Variants in NAXD observed in about 807,000 individuals in gnomAD.
NAXD encodes the protein NAD(P)HX dehydratase, also known as ATP-dependent (S)-NAD(P)H-hydrate dehydratase.
In NAXD, 22 loss-of-function variants were observed where a neutral mutation model predicts 35.8. That is an observed-to-expected ratio of 0.62 (90% confidence interval 0.44 to 0.88). The LOEUF (loss-of-function observed/expected upper bound fraction) is 0.88, where lower values mean the gene tolerates loss of function less well. Among genes scored for constraint, NAXD ranks in the 40% least tolerant of loss-of-function variants. The probability of loss-of-function intolerance (pLI) is 0.00; values close to 1 mark genes in which losing one functional copy is unlikely to be tolerated. For missense variants in NAXD, 428 were observed against 437.7 expected (o/e 0.98, Z 0.20); for synonymous variants, 189 against 177.6 (o/e 1.06, Z -0.51).
chr13:110,622,379 TG>T lies in NAXD; in HGVS notation c.197+14del. The T allele has an allele frequency of 6.2e-7, 1 of 1,613,314 alleles. No individual in the cohort carries two copies. The highest frequency in any genetic ancestry group is 2.2e-5 in the East Asian group (1 of 44,866). ...GAGGCTGTCAGGAGTAAGTAGCTGA[TG>T]TGCAGTGTTGGTGTTTAAAAAGTCA... On this transcript the variant is annotated intron_variant, in intron 2 of 9. Transcript: ENST00000680254.
chr13:110,626,191 G>A (rs1886475144), intron 4 of NAXD, among the ~76,000 whole-genome samples: 1 of 152,152 alleles, frequency 6.6e-6, no homozygotes, highest in Non-Finnish European at 1.5e-5. Flanking sequence ...CGGCTGTGGG[G>A]CTGGGCCGGA....
chr13:110,634,398 A>G, intron 5 of NAXD, 147 bp from the exon 6 acceptor site: 1 of 785,858 alleles, frequency 1.3e-6, no homozygotes. Context: ...AAACCAACCC[A>G]TGAGGACACT....
At chr13:110,631,800 C>T (rs1362223363) in intron 5 of NAXD, among the ~76,000 whole-genome samples, 1 of 152,142 alleles carries the variant, frequency 6.6e-6, no homozygotes, top group Non-Finnish European at 1.5e-5. Flanking sequence ...ACCTGCCTCC[C>T]TGGAAGGGGC....
intron 1 of NAXD, among the ~76,000 whole-genome samples, chr13:110,618,268 G>T: frequency 7.1e-6 from 1 of 140,020 alleles, no homozygotes; most frequent in South Asian, 2.2e-4. Context: ...GTTTCTGGAT[G>T]GCGCTTCTTG....
At position 110,638,090 on chromosome 13, in the gene NAXD, CCGCCTGGCTTTCCCCGGGAA is replaced by C; in HGVS notation, c.840-286_840-267del. 1 of 768,246 alleles carries C rather than the reference CCGCCTGGCTTTCCCCGGGAA, an allele frequency of 1.3e-6. No homozygotes were observed. The highest frequency in any genetic ancestry group is 2.2e-6 in the Non-Finnish European group (1 of 463,096). The allele number at this position is 768,246 out of a possible 1,614,324, so 47.6% of individuals were successfully genotyped here. A position where few individuals can be genotyped will look rare whatever the true frequency, so the allele number is the denominator to read the frequency against. ...GTCAAACAGGGCTAAGCAGCTTGTGCCGCCTGGCTTTCCCCGGGAACACCTGGCCCACTGTGTGCCCTAGC... is the reference window on the plus strand; with the variant it reads ...GTCAAACAGGGCTAAGCAGCTTGTGCCACCTGGCCCACTGTGTGCCCTAGC... On this transcript the variant is annotated intron_variant, in intron 9 of 9. Transcript: ENST00000680254. This position sits in a 1 kb window ranked among gnomAD's most constrained non-coding sequence, Gnocchi z 5.4.
At chr13:110,635,349 G>T in intron 7 of NAXD, 119 bp from the exon 8 acceptor site, 1 of 1,218,142 alleles carries the variant, frequency 8.2e-7, no homozygotes, top group Non-Finnish European at 1.2e-6. Flanking sequence ...TTTAACAGGT[G>T]CCTGGGTGAT....
At chr13:110,617,714 A>T (rs1886112172) in intron 1 of NAXD, among the ~76,000 whole-genome samples, 1 of 152,276 alleles carries the variant, frequency 6.6e-6, no homozygotes, top group Non-Finnish European at 1.5e-5. Flanking sequence ...CAAAAATAAA[A>T]ACAAAAACAT....
intron 2 of NAXD, among the ~76,000 whole-genome samples, chr13:110,623,651 G>T (rs1886348290): frequency 6.6e-6 from 1 of 152,258 alleles, no homozygotes; most frequent in African/African-American, 2.4e-5. Context: ...CAGGGAGACT[G>T]CAGGCATTAC....
intron 5 of NAXD, among the ~76,000 whole-genome samples, chr13:110,629,576 A>G (rs1886629011): frequency 6.6e-6 from 1 of 152,106 alleles, no homozygotes; most frequent in African/African-American, 2.4e-5. Flanking sequence ...AACGTGTGCT[A>G]TTTAGTGATT....
rs1266072991 is a variant in NAXD, at chr13:110,624,256, G to T, written c.220G>T (p.Ala74Ser). The change falls in exon 3 of 10, where the codon GCA becomes TCA. Residue 74 changes from alanine (A) to serine (S), a missense_variant. This residue lies in a region of NAXD where 208 missense variants were observed against 193.0 expected (regional missense o/e 1.08). Coordinates refer to ENST00000680254, the MANE Select transcript of NAXD (RefSeq NM_001242882.2). ...TAGGTACACTGGAGCCCCATATTTTGCAGCAATCTCAGCTCTCAAAGTGGT... is the reference window on the plus strand; with the variant it reads ...TAGGTACACTGGAGCCCCATATTTTTCAGCAATCTCAGCTCTCAAAGTGGT... Reference protein sequence around the residue: ...CQEYTGAPYFAAISALKVGAD... With the variant: ...CQEYTGAPYFSAISALKVGAD... 6.2e-7 allele frequency: 1 copy of T among 1,609,232 alleles called. No homozygotes were observed. The highest frequency in any genetic ancestry group is 8.5e-7 in the Non-Finnish European group (1 of 1,176,554).
At chr13:110,633,888 A>G (rs1402975465) in intron 5 of NAXD, among the ~76,000 whole-genome samples, 1 of 152,172 alleles carries the variant, frequency 6.6e-6, no homozygotes, top group Admixed American at 6.5e-5. Flanking sequence ...CATAATGACT[A>G]ATGATTTGGG....
chr13:110,634,785 G>A lies in NAXD; in HGVS notation c.597+9G>A. On this transcript the variant is annotated intron_variant, in intron 7 of 9. Transcript: ENST00000680254. ...GACTGTATGACGCTGTGGTGAGTCA[G>A]TGGACCCCCTGGAGGGTAGATGCAA... 1.2e-6 allele frequency: 2 copies of A among 1,604,596 alleles called. No individual in the cohort carries two copies. Among genetic ancestry groups the A allele is most frequent in the East Asian group, 2.2e-5 (1 of 44,808 alleles).
chr13:110,620,042 A>G (rs1594167733), intron 1 of NAXD, among the ~76,000 whole-genome samples: 1 of 151,748 alleles, frequency 6.6e-6, no homozygotes. Flanking sequence ...CAAGTGATCC[A>G]CCCACCTTGG....
rs1887009826 is a variant in NAXD, at chr13:110,638,218, G to A, written c.840-160G>A. ...TGGAGGGTTAATGGTGGTTTTCGCT[G>A]TGATAAACCTGCTTTCTCCTCAGGG... On this transcript the variant is annotated intron_variant, in intron 9 of 9. Transcript: ENST00000680254. The surrounding 1 kb of genome is among the most constrained non-coding windows in gnomAD (Gnocchi z 5.4). 3 of 1,534,824 alleles carry A rather than the reference G, an allele frequency of 2.0e-6. No individual in the cohort carries two copies. The highest frequency in any genetic ancestry group is 2.6e-6 in the Non-Finnish European group (3 of 1,141,880).
At chr13:110,615,867 C>T (rs1275303573) in intron 1 of NAXD, 8 of 1,117,500 alleles carry the variant, frequency 7.2e-6, no homozygotes, top group African/African-American at 4.9e-5. Flanking sequence ...GTGTGGCCTG[C>T]GGGGCGGAGT....
At position 110,638,574 on chromosome 13, in the gene NAXD, C is replaced by CGT. The variant is rs757949523; in HGVS notation, c.*54_*55dup. 10 of 1,605,492 alleles carry CGT rather than the reference C, an allele frequency of 6.2e-6. No individual in the cohort carries two copies. The African/African-American group carries it at 1.2e-4, about 19-fold the overall frequency. ...AACAGGCACCTTGGACGGGGGAGAG[C>CGT]GTGTGTGTGATGGGAAAATCCGGAC... is the stretch of plus-strand genomic sequence containing the variant. On this transcript the variant is annotated 3_prime_UTR_variant, in exon 10 of 10. Transcript: ENST00000680254. This position sits in a 1 kb window ranked among gnomAD's most constrained non-coding sequence, Gnocchi z 5.4.
At position 110,637,122 on chromosome 13, in the gene NAXD, T is replaced by A. The variant is rs762659161; in HGVS notation, c.719-7T>A. On this transcript the variant is annotated splice_polypyrimidine_tract_variant and splice_region_variant and intron_variant, in intron 8 of 9. Transcript: ENST00000680254. Reference sequence around the variant, plus strand: ...CTGACACCTGCTCTCACTTCTGCCCTGTGCAGTGCTTGTGTGCAGCCAGGA... The same window carrying A: ...CTGACACCTGCTCTCACTTCTGCCCAGTGCAGTGCTTGTGTGCAGCCAGGA... 6 of 1,610,526 alleles carry A rather than the reference T, an allele frequency of 3.7e-6. No homozygotes were observed. The Admixed American group carries it at 1.0e-4, about 27-fold the overall frequency.
In NAXD at chr13:110,634,581, G is replaced by T. The variant is rs766751343; in HGVS notation, c.478G>T (p.Val160Phe). 10 of 1,614,250 alleles carry T rather than the reference G, an allele frequency of 6.2e-6. No homozygotes were observed. Among genetic ancestry groups the T allele is most frequent in the Non-Finnish European group, 7.6e-6 (9 of 1,180,046 alleles). Residue 160 changes from valine (V) to phenylalanine (F), a missense_variant, in exon 6 of 10, where the codon GTT becomes TTT. By Grantham distance (50) the Val-to-Phe change is conservative. Around this residue, in one of 3 missense-constraint regions of NAXD, gnomAD observed 11 missense variants for 30.0 expected, o/e 0.37. Transcript: ENST00000680254. The stretch of plus-strand genomic sequence containing the variant: ...AGTGTCAAAGGCCAGGGACATCCCT[G>T]TTGTCATCGACGCGGTGAGTTGACT... ...LEVSKARDIP[V>F]VIDADGLWLV...
At chr13:110,636,540 A>G (rs117323386) in intron 8 of NAXD, among the ~76,000 whole-genome samples, 2,040 of 152,350 alleles carry the variant, frequency 0.013, 18 homozygotes, top group Middle Eastern at 0.027. Context: ...AGGGACTCTG[A>G]CACCTTTGAG....
Sources: gnomAD v4.1 joint callset for allele counts (sites outside exome capture counted in the v4.1 genomes callset) on GRCh38, gnomAD v4.1.1 for gene constraint, gnomAD v4.1.1 regional missense constraint, Gnocchi (gnomAD v3.1) non-coding constraint, MANE v1.5 for transcripts, NCBI Gene and HGNC (gene_info 2026-07-23, HGNC 2026-07-21) for gene names.